GAL3ST4: variants seen among roughly 807,000 people sequenced by gnomAD.
GAL3ST4 encodes the protein galactose-3-O-sulfotransferase 4, also known as beta-galactose-3-O-sulfotransferase 4.
Under a neutral mutation model 31.6 loss-of-function variants are expected in GAL3ST4, and 30 were observed. The observed-to-expected ratio is 0.95, with a 90% CI of 0.71 to 1.29. GAL3ST4 has a LOEUF of 1.29. GAL3ST4 is among the 50% of genes most tolerant of loss of function. GAL3ST4 has a pLI of 0.00. For synonymous variants in GAL3ST4, 248 were observed against 256.9 expected, an observed-to-expected ratio of 0.97 and a Z score of 0.33; for missense variants, 629 against 625.2, an observed-to-expected ratio of 1.01 and a Z score of -0.06.
At chr7:100,166,920 A>G in intron 2 of GAL3ST4, 51 bp downstream of exon 2, 1 of 1,576,918 alleles carries the variant, frequency 6.3e-7, no homozygotes, top group Non-Finnish European at 8.6e-7. Flanking sequence ...TGGGATGGGG[A>G]AGAGCAAGTA....
chr7:100,165,551 G>C (rs753236394), intron 3 of GAL3ST4, among the ~76,000 whole-genome samples: 4 of 152,032 alleles, frequency 2.6e-5, no homozygotes, highest in Admixed American at 6.6e-5. Context: ...GTGAAAGGGA[G>C]GCTAAGAAAG....
chr7:100,163,940 C>T (rs772164408), intron 3 of GAL3ST4, among the ~76,000 whole-genome samples: 45 of 152,268 alleles, frequency 3.0e-4, no homozygotes, highest in East Asian at 1.9e-3. Context: ...TGACTTTGGG[C>T]GGGTTATTGA....
rs2116966394 is a variant in GAL3ST4 at position 100,159,315 on chromosome 7, A to G, written c.*613T>C. On this transcript the variant is annotated 3_prime_UTR_variant, in exon 4 of 4. Transcript: ENST00000360039. ...TGAACAGTCTAGTAGCAAATATTTC[A>G]TAGAGAAATGGACGTATCATTCCAA... The G allele has an allele frequency of 6.6e-6, 1 of 152,638 alleles. No individual in the cohort carries two copies. Among genetic ancestry groups the G allele is most frequent in the East Asian group, 1.9e-4 (1 of 5,192 alleles). The allele number at this position is 152,638 out of a possible 1,614,324, so 9.5% of individuals were successfully genotyped here. A position where few individuals can be genotyped will look rare whatever the true frequency, so the allele number is the denominator to read the frequency against.
In GAL3ST4 at chr7:100,160,646, C is replaced by T; in HGVS notation, c.743G>A (p.Gly248Asp). 6.2e-7 allele frequency: 1 copy of T among 1,613,822 alleles called. No individual in the cohort carries two copies. The stretch of plus-strand genomic sequence containing the variant: ...GGGATTGAGGGTTTGGGCTCGAGGG[C>T]CAGCACCAGAAGGCAAGACCTGCAG... ...PQLQVLPSGA[G>D]PRAQTLNPNA... The change falls in exon 4 of 4, where the codon GGC becomes GAC. Residue 248 changes from glycine (G) to aspartate (D), a missense_variant. Coordinates refer to ENST00000360039, the MANE Select transcript of GAL3ST4 (RefSeq NM_024637.5).
Position 100,159,976 on chromosome 7 carries a change from G to A in GAL3ST4, c.1413C>T (p.Pro471=), listed in dbSNP as rs760232571. The change falls in exon 4 of 4, where the codon CCC becomes CCT. Residue 471 remains proline (P), a synonymous_variant. Coordinates refer to ENST00000360039, the MANE Select transcript of GAL3ST4 (RefSeq NM_024637.5). ...TCTTGAGGGGCAGTGAGACGGTAGG[G>A]GGGAACTGCTTGGCATCCAGCTTGT... ...YKDKLDAKQF[P]PTVSLPLKTS... is the part of the protein sequence containing the mutation. 4 of 1,613,612 alleles carry A rather than the reference G, an allele frequency of 2.5e-6. No homozygotes were observed. The Admixed American group carries it at 5.0e-5, about 20-fold the overall frequency.
intron 3 of GAL3ST4, among the ~76,000 whole-genome samples, chr7:100,161,544 G>A (rs953577657): frequency 5.3e-5 from 8 of 151,610 alleles, no homozygotes; most frequent in South Asian, 4.2e-4. Context: ...CCAGCTACTC[G>A]GGAGGCTGAG....
In GAL3ST4 at chr7:100,159,943, C is replaced by G; in HGVS notation, c.1446G>C (p.Arg482Ser). Residue 482 changes from arginine to serine, a missense_variant, in exon 4 of 4, where the codon AGG (arginine) becomes AGC (serine). Coordinates refer to ENST00000360039, the MANE Select transcript of GAL3ST4 (RefSeq NM_024637.5). The part of the protein sequence containing the change: ...PTVSLPLKTS[R>S]PLSP ...AGTCTGATGTTTATGGGGAGAGTGG[C>G]CTTGAAGTCTTGAGGGGCAGTGAGA... 6.2e-7 allele frequency: 1 copy of G among 1,606,032 alleles called. No individual in the cohort carries two copies. The highest frequency in any genetic ancestry group is 2.2e-5 in the East Asian group (1 of 44,818).
rs1799106200 is a variant in GAL3ST4, at chr7:100,168,146, C to A, written c.-189+400G>T. On this transcript the variant is annotated intron_variant, in intron 1 of 3. Coordinates refer to ENST00000360039, the MANE Select transcript of GAL3ST4 (RefSeq NM_024637.5). The surrounding 1 kb of genome is among the most constrained non-coding windows in gnomAD (Gnocchi z 4.1). Reference sequence around the variant, plus strand: ...CTGAAGCCCGAGCTTCCTAATCAACCGGGAGTCCAGCCCCGCCCCTTCAGA... The same window carrying A: ...CTGAAGCCCGAGCTTCCTAATCAACAGGGAGTCCAGCCCCGCCCCTTCAGA... 6.6e-6 allele frequency: 1 copy of A among 152,338 alleles called. No individual in the cohort carries two copies. Among genetic ancestry groups the A allele is most frequent in the Admixed American group, 6.5e-5 (1 of 15,284 alleles). 9.4% of individuals were successfully genotyped at this position (152,338 alleles called of 1,614,324 possible).
chr7:100,167,109 G>A lies in GAL3ST4; in HGVS notation c.-14C>T, dbSNP rs1457174143. On this transcript the variant is annotated 5_prime_UTR_variant, in exon 2 of 4. Coordinates refer to ENST00000360039, the MANE Select transcript of GAL3ST4 (RefSeq NM_024637.5). ...GAGAGGGCCCATGTGGCACAGGGAA[G>A]GGTGAGGTGACAGAGAGATGGAGCC... 6.4e-7 allele frequency: 1 copy of A among 1,553,124 alleles called. No individual in the cohort carries two copies. The highest frequency in any genetic ancestry group is 8.7e-7 in the Non-Finnish European group (1 of 1,147,662).
At chr7:100,162,369 A>G (rs1292005125) in intron 3 of GAL3ST4, among the ~76,000 whole-genome samples, 1 of 151,118 alleles carries the variant, frequency 6.6e-6, no homozygotes, top group African/African-American at 2.4e-5. Flanking sequence ...AGATGGTGAA[A>G]CCACATCTCT....
Position 100,167,261 on chromosome 7 carries a change from C to G in GAL3ST4, c.-166G>C. The G allele has an allele frequency of 6.8e-7, 1 of 1,463,418 alleles. No homozygotes were observed. The highest frequency in any genetic ancestry group is 9.0e-7 in the Non-Finnish European group (1 of 1,105,430). 90.7% of individuals were successfully genotyped at this position (1,463,418 alleles called of 1,614,324 possible). On this transcript the variant is annotated 5_prime_UTR_variant, in exon 2 of 4. Transcript: ENST00000360039. Reference sequence around the variant, plus strand: ...TGGTTGAGTCTGCCCCCTGAGTTAGCAGATTTTTGCCTCTGTCAGCGTCTA... The same window carrying G: ...TGGTTGAGTCTGCCCCCTGAGTTAGGAGATTTTTGCCTCTGTCAGCGTCTA...
chr7:100,168,279 C>T lies in GAL3ST4; in HGVS notation c.-189+267G>A, dbSNP rs1161201583. 2 of 152,440 alleles carry T rather than the reference C, an allele frequency of 1.3e-5. No individual in the cohort carries two copies. Among genetic ancestry groups the T allele is most frequent in the African/African-American group, 4.8e-5 (2 of 41,426 alleles). 9.4% of individuals were successfully genotyped at this position (152,440 alleles called of 1,614,324 possible). ...CAGAGAGAAGCCACACTTTTACTCCCGGAGACCTGCCCTCTCTGGCATCAC... is the reference window on the plus strand; with the variant it reads ...CAGAGAGAAGCCACACTTTTACTCCTGGAGACCTGCCCTCTCTGGCATCAC... On this transcript the variant is annotated intron_variant, in intron 1 of 3. Coordinates refer to ENST00000360039, the MANE Select transcript of GAL3ST4 (RefSeq NM_024637.5). This position sits in a 1 kb window ranked among gnomAD's most constrained non-coding sequence, Gnocchi z 4.1.
rs1268157834 is a variant in GAL3ST4 at position 100,166,954 on chromosome 7, G to T, written c.125+17C>A. On this transcript the variant is annotated intron_variant, in intron 2 of 3. Transcript: ENST00000360039. ...TACGGGGCGTCTAGAAGGAGTTGGGGCAAAGTGGGAACTCACCTCCTCTGG... is the reference window on the plus strand; with the variant it reads ...TACGGGGCGTCTAGAAGGAGTTGGGTCAAAGTGGGAACTCACCTCCTCTGG... The T allele has an allele frequency of 3.8e-6, 6 of 1,592,656 alleles. No individual in the cohort carries two copies. The highest frequency in any genetic ancestry group is 5.1e-6 in the Non-Finnish European group (6 of 1,170,358).
intron 3 of GAL3ST4, among the ~76,000 whole-genome samples, chr7:100,163,766 C>G (rs1353837427): frequency 6.6e-6 from 1 of 152,036 alleles, no homozygotes; most frequent in East Asian, 1.9e-4. Context: ...AACTCCTGGG[C>G]TCAAGTAATC....
chr7:100,164,771 A>G (rs1456119266), intron 3 of GAL3ST4, among the ~76,000 whole-genome samples: 1 of 152,104 alleles, frequency 6.6e-6, no homozygotes, highest in Non-Finnish European at 1.5e-5. Flanking sequence ...ATACAAACAC[A>G]TGCACAAGCC....
chr7:100,165,628 G>T (rs575117008), intron 3 of GAL3ST4, among the ~76,000 whole-genome samples: 1 of 151,570 alleles, frequency 6.6e-6, no homozygotes, highest in Non-Finnish European at 1.5e-5. Flanking sequence ...GCCAGCCTGG[G>T]CAACATAGTG....
Position 100,166,799 on chromosome 7 carries a change from A to T in GAL3ST4, c.132T>A (p.Pro44=). ...CCGAGGGCTGTCGGAGCTGTAGCCCAGGTAGCCTGGGAAGAGATGGAGGGG... is the reference window on the plus strand; with the variant it reads ...CCGAGGGCTGTCGGAGCTGTAGCCCTGGTAGCCTGGGAAGAGATGGAGGGG... ...LLGGPFQRRL[P]GLQLRQPSAP... Residue 44 remains proline, a synonymous_variant, in exon 3 of 4, where the codon CCT becomes CCA. Transcript: ENST00000360039. 6.2e-7 allele frequency: 1 copy of T among 1,602,878 alleles called. No homozygotes were observed. Among genetic ancestry groups the T allele is most frequent in the Non-Finnish European group, 8.5e-7 (1 of 1,174,726 alleles).
Position 100,160,537 on chromosome 7 carries a change from T to A in GAL3ST4, c.852A>T (p.Ser284=). The part of the protein sequence containing the change: ...SSPASFDLGS[S]SFIQWGLAWL... ...ATGCCAGACCCCACTGGATGAAGGA[T>A]GAAGACCCCAAATCGAAAGAGGCAG... Residue 284 remains serine, a synonymous_variant, in exon 4 of 4, where the codon TCA becomes TCT. Coordinates refer to ENST00000360039, the MANE Select transcript of GAL3ST4 (RefSeq NM_024637.5). 6.2e-7 allele frequency: 1 copy of A among 1,613,924 alleles called. No individual in the cohort carries two copies.
rs1310222515 is a variant in GAL3ST4, at chr7:100,168,128, C to T, written c.-189+418G>A. 1 of 152,066 alleles carries T rather than the reference C, an allele frequency of 6.6e-6. No homozygotes were observed. The highest frequency in any genetic ancestry group is 1.5e-5 in the Non-Finnish European group (1 of 68,042). The allele number at this position is 152,066 out of a possible 1,614,324, so 9.4% of individuals were successfully genotyped here. A position where few individuals can be genotyped will look rare whatever the true frequency, so the allele number is the denominator to read the frequency against. On this transcript the variant is annotated intron_variant, in intron 1 of 3. Transcript: ENST00000360039. The surrounding 1 kb of genome is among the most constrained non-coding windows in gnomAD (Gnocchi z 4.1). ...CTAACTGCAGAGTTCCTTCTGAAGC[C>T]CGAGCTTCCTAATCAACCGGGAGTC...
Sources: gnomAD v4.1 joint callset for allele counts (sites outside exome capture counted in the v4.1 genomes callset) on GRCh38, gnomAD v4.1.1 for gene constraint, Gnocchi (gnomAD v3.1) non-coding constraint, MANE v1.5 for transcripts, NCBI Gene and HGNC (gene_info 2026-07-23, HGNC 2026-07-21) for gene names.